ABR: variants seen among roughly 807,000 people sequenced by gnomAD.
The protein encoded by ABR is active breakpoint cluster region-related protein.
A neutral mutation model predicts 107.2 loss-of-function variants in ABR; 35 were observed. The ratio of observed to expected loss-of-function variants is 0.33; its 90% CI spans 0.25 to 0.43. The LOEUF (loss-of-function observed/expected upper bound fraction) is 0.43. Ranked by LOEUF, ABR falls within the 20% of genes least tolerant of loss-of-function variation. The pLI, the probability that ABR is intolerant of heterozygous loss-of-function variation, is 1.00. For missense variants in ABR, 815 were observed against 1,115.2 expected (o/e 0.73, Z 3.83); for synonymous variants, 498 against 462.0 (o/e 1.08, Z -1.00).
intron 10 of ABR, among the ~76,000 whole-genome samples, chr17:1,063,201 G>A (rs1486210292): frequency 9.8e-6 from 1 of 101,736 alleles, no homozygotes; most frequent in African/African-American, 4.0e-5. Flanking sequence ...GGCTATGCAT[G>A]TTCCTCTAGA....
At chr17:1,169,129 G>A (rs2151592196) in intron 1 of ABR, among the ~76,000 whole-genome samples, 1 of 152,312 alleles carries the variant, frequency 6.6e-6, no homozygotes, top group East Asian at 1.9e-4. Flanking sequence ...GAGGACGTGG[G>A]TTTTGTCTAG....
chr17:1,037,261 C>T lies in ABR; in HGVS notation c.1791+12789G>A, dbSNP rs2073268121. 6.6e-6 allele frequency among the ~76,000 whole-genome samples: 1 copy of T among 152,236 alleles called. No homozygotes were observed. On this transcript the variant is annotated intron_variant, in intron 16 of 22. Coordinates refer to ENST00000302538, the MANE Select transcript of ABR (RefSeq NM_021962.5). This position sits in a 1 kb window ranked among gnomAD's most constrained non-coding sequence, Gnocchi z 4.6. ...GGCCTGCCCAAGGTAACCTGCTGTC[C>T]TCCCAACTCCCCAAAGGCCTGTGCC...
chr17:1,012,351 G>A (rs939341967), intron 18 of ABR: 12 of 646,370 alleles, frequency 1.9e-5, no homozygotes, highest in African/African-American at 1.4e-4. Flanking sequence ...TGAACCGGGG[G>A]ACACGTGCCC....
At chr17:1,098,629 T>C (rs1307771378) in intron 3 of ABR, among the ~76,000 whole-genome samples, 1 of 152,198 alleles carries the variant, frequency 6.6e-6, no homozygotes, top group Non-Finnish European at 1.5e-5. Context: ...TGAGAAACAG[T>C]GCAATACGCC....
At chr17:1,096,364 G>A (rs891189958) in intron 3 of ABR, among the ~76,000 whole-genome samples, 1 of 152,190 alleles carries the variant, frequency 6.6e-6, no homozygotes, top group Non-Finnish European at 1.5e-5. Flanking sequence ...GTGGGAAAGC[G>A]AGCATGGAGG....
intron 1 of ABR, among the ~76,000 whole-genome samples, chr17:1,166,475 G>T (rs1184353218): frequency 2.0e-5 from 3 of 152,200 alleles, no homozygotes; most frequent in African/African-American, 7.2e-5. Flanking sequence ...ACCGGGAGAG[G>T]CTCAGTGTGG....
intron 1 of ABR, among the ~76,000 whole-genome samples, chr17:1,202,382 A>G (rs1383042474): frequency 2.0e-5 from 3 of 152,238 alleles, no homozygotes; most frequent in Non-Finnish European, 1.5e-5. Context: ...GCGCACATTC[A>G]AAAGAGAATC....
chr17:1,094,127 C>T (rs891962246), intron 3 of ABR, among the ~76,000 whole-genome samples: 1 of 152,130 alleles, frequency 6.6e-6, no homozygotes, highest in African/African-American at 2.4e-5. Context: ...CTCCTTCTGA[C>T]CCTCGCCGTC....
intron 16 of ABR, among the ~76,000 whole-genome samples, chr17:1,035,716 C>G (rs922892852): frequency 2.3e-5 from 3 of 128,542 alleles, no homozygotes; most frequent in Admixed American, 8.1e-5. Context: ...AAGGCCCCCA[C>G]GAACAGATGT....
intron 1 of ABR, among the ~76,000 whole-genome samples, chr17:1,194,693 G>T (rs2042513857): frequency 8.1e-6 from 1 of 123,366 alleles, no homozygotes; most frequent in African/African-American, 2.7e-5. Flanking sequence ...TCGCTCTGTT[G>T]CCCAGGCTGG....
intron 16 of ABR, among the ~76,000 whole-genome samples, chr17:1,014,394 T>C (rs1027371597): frequency 4.2e-5 from 6 of 143,320 alleles, no homozygotes; most frequent in Non-Finnish European, 4.5e-5. Flanking sequence ...TGAGCCGAGA[T>C]CGCGCCACTG....
chr17:1,061,572 C>G lies in ABR; in HGVS notation c.1183-2705G>C, dbSNP rs545929047. ...GCCTTTTTTTTTTTGAGATGGAGTC[C>G]CACTCACTCTGTTGCCCAGGCTGGA... On this transcript the variant is annotated intron_variant, in intron 10 of 22. Coordinates refer to ENST00000302538, the MANE Select transcript of ABR (RefSeq NM_021962.5). Among the ~76,000 whole-genome samples, 194 of 151,804 alleles carry G rather than the reference C, an allele frequency of 1.3e-3. 1 individual carries two copies. The highest frequency in any genetic ancestry group is 4.4e-3 in the African/African-American group (183 of 41,398).
intron 11 of ABR, 48 bp downstream of exon 11, chr17:1,058,697 C>T: frequency 6.2e-7 from 1 of 1,604,290 alleles, no homozygotes; most frequent in South Asian, 1.1e-5. Flanking sequence ...GTGGGCTGCT[C>T]TGGACTAAGG....
intron 1 of ABR, among the ~76,000 whole-genome samples, chr17:1,163,526 A>G (rs111621625): frequency 6.7e-6 from 1 of 148,168 alleles, no homozygotes; most frequent in East Asian, 2.0e-4. Context: ...GTGAACATGG[A>G]TGTCGGAGCA....
intron 13 of ABR, among the ~76,000 whole-genome samples, 193 bp from the exon 14 acceptor site, chr17:1,056,302 G>T (rs933992517): frequency 2.6e-5 from 4 of 152,066 alleles, no homozygotes; most frequent in African/African-American, 9.7e-5. Flanking sequence ...GGTAGGGCTA[G>T]GGGGTCCTTC....
rs138742934 is a variant in ABR, at chr17:1,125,285, C to T, written c.144G>A (p.Pro48=). The T allele has an allele frequency of 8.1e-6, 13 of 1,613,766 alleles. No individual in the cohort carries two copies. Among genetic ancestry groups the T allele is most frequent in the African/African-American group, 2.7e-5 (2 of 74,942 alleles). The change falls in exon 2 of 23, where the codon CCG becomes CCA. Residue 48 remains proline (P), a synonymous_variant. Transcript: ENST00000302538. Reference sequence around the variant, plus strand: ...ACATGGTGGGCGACTCATCGATGTACGGCATGGTCTCTGAGCCCTCCGGGG... The same window carrying T: ...ACATGGTGGGCGACTCATCGATGTATGGCATGGTCTCTGAGCCCTCCGGGG... ...KGPPEGSETM[P]YIDESPTMSP...
chr17:1,109,156 G>GAGGGAGGA, intron 2 of ABR: 1 of 1,434,010 alleles, frequency 7.0e-7, no homozygotes, highest in Non-Finnish European at 9.3e-7. Context: ...CGGGCGGGAG[G>GAGGGAGGA]GGGGGCAGGT....
intron 1 of ABR, among the ~76,000 whole-genome samples, chr17:1,212,276 T>G (rs960198196): frequency 6.6e-6 from 1 of 150,380 alleles, no homozygotes; most frequent in Non-Finnish European, 1.5e-5. Context: ...AAAAGTTTTA[T>G]AAGGATTAGC....
chr17:1,203,803 C>A (rs1025981784), intron 1 of ABR, among the ~76,000 whole-genome samples: 4 of 152,124 alleles, frequency 2.6e-5, no homozygotes, highest in African/African-American at 9.7e-5. Context: ...GGCGCTCTCT[C>A]CGCGTGGCGA....
Sources: allele counts gnomAD v4.1 joint callset (sites outside exome capture counted in the v4.1 genomes callset), GRCh38; gene constraint gnomAD v4.1.1; non-coding constraint Gnocchi (gnomAD v3.1); transcripts MANE v1.5; gene names NCBI Gene and HGNC (gene_info 2026-07-23, HGNC 2026-07-21).